PADI3: variants seen among roughly 807,000 people sequenced by gnomAD.
PADI3 encodes protein-arginine deiminase type-3.
PADI3 carries 53 observed loss-of-function variants against 71.5 expected under a neutral mutation model. The ratio of observed to expected loss-of-function variants is 0.74; its 90% CI spans 0.59 to 0.93. The LOEUF (loss-of-function observed/expected upper bound fraction) is 0.93. PADI3 is among the 40% of genes least tolerant of loss of function. The pLI is 0.00. For synonymous variants in PADI3, 361 were observed against 347.5 expected (o/e 1.04, Z -0.43); for missense variants, 821 against 868.0 (o/e 0.95, Z 0.68).
chr1:17,260,894 C>T (rs2100567141), intron 2 of PADI3, among the ~76,000 whole-genome samples: 1 of 152,262 alleles, frequency 6.6e-6, no homozygotes, highest in Admixed American at 6.5e-5. Flanking sequence ...GTACCCCCAC[C>T]TTGAATTCCT....
At chr1:17,269,846 T>C (rs1468075982) in intron 6 of PADI3, among the ~76,000 whole-genome samples, 1 of 152,142 alleles carries the variant, frequency 6.6e-6, no homozygotes, top group African/African-American at 2.4e-5. Context: ...CTTGAACTCC[T>C]AACTTCAGGT....
chr1:17,256,890 G>A (rs756360666), intron 1 of PADI3, among the ~76,000 whole-genome samples: 2 of 151,968 alleles, frequency 1.3e-5, no homozygotes, highest in Non-Finnish European at 2.9e-5. Flanking sequence ...AAAATTAGCC[G>A]GACACGGTGG....
rs1254216783 is a variant in PADI3, at chr1:17,270,223, C to T, written c.653-10C>T. On this transcript the variant is annotated splice_polypyrimidine_tract_variant and intron_variant, in intron 6 of 15. Transcript: ENST00000375460. ...AGGGAGTCACAGCCACCCCGTCCCTCCCCTTCCAGGTCCTGAGGATGTGTG... is the reference window on the plus strand; with the variant it reads ...AGGGAGTCACAGCCACCCCGTCCCTTCCCTTCCAGGTCCTGAGGATGTGTG... 1 of 1,606,160 alleles carries T rather than the reference C, an allele frequency of 6.2e-7. No homozygotes were observed. The highest frequency in any genetic ancestry group is 1.7e-5 in the Admixed American group (1 of 59,264).
chr1:17,273,544 C>T (rs191451605), intron 10 of PADI3, 97 bp downstream of exon 10: 11 of 704,918 alleles, frequency 1.6e-5, no homozygotes, highest in African/African-American at 5.3e-5. Context: ...CAGTGGGAAC[C>T]GTGCTCTTTA....
At position 17,259,723 on chromosome 1, in the gene PADI3, A is replaced by T; in HGVS notation, c.238A>T (p.Met80Leu). The change falls in exon 2 of 16, where the codon ATG (methionine) becomes TTG (leucine). Residue 80 changes from methionine to leucine, a missense_variant. Coordinates refer to ENST00000375460, the MANE Select transcript of PADI3 (RefSeq NM_016233.2). ...CGCGACTTTGGAGATCATCGTGGTC[A>T]TGAACTCCCCCAGCAATGACCTCAA... is the stretch of plus-strand genomic sequence containing the variant. ...FDATLEIIVV[M>L]NSPSNDLNDS... is the part of the protein sequence containing the mutation. 6.2e-7 allele frequency: 1 copy of T among 1,612,090 alleles called. No homozygotes were observed. The highest frequency in any genetic ancestry group is 8.5e-7 in the Non-Finnish European group (1 of 1,178,626).
intron 11 of PADI3, among the ~76,000 whole-genome samples, chr1:17,275,583 G>C (rs987130642): frequency 6.6e-6 from 1 of 152,106 alleles, no homozygotes; most frequent in African/African-American, 2.4e-5. Context: ...GAGAAGTGAG[G>C]TACAAGACAT....
At chr1:17,266,512 G>A (rs1236801718) in intron 4 of PADI3, among the ~76,000 whole-genome samples, 1 of 152,244 alleles carries the variant, frequency 6.6e-6, no homozygotes. Context: ...ATCACAGATA[G>A]CCATGAAAGA....
intron 11 of PADI3, 46 bp downstream of exon 11, chr1:17,274,832 G>A: frequency 1.3e-6 from 2 of 1,587,340 alleles, no homozygotes; most frequent in South Asian, 2.3e-5. Flanking sequence ...GAGGCTGAGG[G>A]TTGGGGGTGG....
chr1:17,274,546 C>A, intron 10 of PADI3, 89 bp from the exon 11 acceptor site: 1 of 1,226,040 alleles, frequency 8.2e-7, no homozygotes. Context: ...CCTTTCCCAC[C>A]CTGTCTTGAA....
At position 17,283,112 on chromosome 1, in the gene PADI3, G is replaced by GCCAAT; in HGVS notation, c.*33_*34insCCAAT. The GCCAAT allele has an allele frequency of 1.3e-6, 2 of 1,552,484 alleles. No individual in the cohort carries two copies. The highest frequency in any genetic ancestry group is 1.8e-6 in the Non-Finnish European group (2 of 1,126,684). ...CCCACCCACCATCCTGTCCCCCTGGGGCGGGCATTGGCCCAGGTGGTGGAG... is the reference window on the plus strand; with the variant it reads ...CCCACCCACCATCCTGTCCCCCTGGGCCAATGCGGGCATTGGCCCAGGTGGTGGAG... On this transcript the variant is annotated 3_prime_UTR_variant, in exon 16 of 16. Transcript: ENST00000375460.
chr1:17,266,844 C>T lies in PADI3; in HGVS notation c.526+8C>T, dbSNP rs748054144. 2.8e-5 allele frequency: 45 copies of T among 1,604,804 alleles called. No homozygotes were observed. Among genetic ancestry groups the T allele is most frequent in the African/African-American group, 4.0e-5 (3 of 74,668 alleles). On this transcript the variant is annotated splice_region_variant and intron_variant, in intron 5 of 15. Transcript: ENST00000375460. Reference sequence around the variant, plus strand: ...ACGTGCACTGCCTGCAAGGTGAGGCCGGGGCAGCCTGAGTCCCTGGGTGTC... The same window carrying T: ...ACGTGCACTGCCTGCAAGGTGAGGCTGGGGCAGCCTGAGTCCCTGGGTGTC...
At chr1:17,263,152 G>A (rs2073124147) in intron 3 of PADI3, among the ~76,000 whole-genome samples, 1 of 152,186 alleles carries the variant, frequency 6.6e-6, no homozygotes, top group Non-Finnish European at 1.5e-5. Flanking sequence ...GACCTCAGAT[G>A]ATCTGCCTGC....
Position 17,280,436 on chromosome 1 carries a change from G to C in PADI3, c.1635+7G>C, listed in dbSNP as rs1264889209. 2 of 1,609,294 alleles carry C rather than the reference G, an allele frequency of 1.2e-6. No homozygotes were observed. Among genetic ancestry groups the C allele is most frequent in the South Asian group, 1.1e-5 (1 of 90,976 alleles). Reference sequence around the variant, plus strand: ...CTACAATAAGTTTGTGCAGGTACAAGGGCTGTGGTGTACCTGTGGGCTGTG... The same window carrying C: ...CTACAATAAGTTTGTGCAGGTACAACGGCTGTGGTGTACCTGTGGGCTGTG... On this transcript the variant is annotated splice_region_variant and intron_variant, in intron 14 of 15. Coordinates refer to ENST00000375460, the MANE Select transcript of PADI3 (RefSeq NM_016233.2).
chr1:17,249,667 C>T (rs193030587), intron 1 of PADI3, among the ~76,000 whole-genome samples: 1 of 152,368 alleles, frequency 6.6e-6, no homozygotes, highest in East Asian at 1.9e-4. Flanking sequence ...ATACATAGCA[C>T]TTACCATGTG....
At chr1:17,249,605 T>C (rs1374173698) in intron 1 of PADI3, among the ~76,000 whole-genome samples, 1 of 152,224 alleles carries the variant, frequency 6.6e-6, no homozygotes, top group African/African-American at 2.4e-5. Flanking sequence ...AGCCCCATCC[T>C]GAGCCTATGA....
intron 9 of PADI3, among the ~76,000 whole-genome samples, chr1:17,273,086 A>G (rs540411766): frequency 4.6e-5 from 7 of 152,224 alleles, no homozygotes; most frequent in Non-Finnish European, 1.0e-4. Context: ...CCCCAAGGTC[A>G]TGTCCATGTT....
chr1:17,258,923 C>T (rs2073063200), intron 1 of PADI3, among the ~76,000 whole-genome samples: 1 of 152,220 alleles, frequency 6.6e-6, no homozygotes, highest in South Asian at 2.1e-4. Flanking sequence ...TCACTGAGCT[C>T]TTCGTGCCCA....
chr1:17,259,848 G>T (rs1187904668), intron 2 of PADI3, 90 bp downstream of exon 2: 5 of 1,167,852 alleles, frequency 4.3e-6, no homozygotes, highest in Non-Finnish European at 3.6e-6. Context: ...TCTCCAGAGC[G>T]CAGGGCAACA....
At chr1:17,253,289 G>T (rs1324781875) in intron 1 of PADI3, among the ~76,000 whole-genome samples, 1 of 152,140 alleles carries the variant, frequency 6.6e-6, no homozygotes, top group Non-Finnish European at 1.5e-5. Flanking sequence ...TCCTGGAAGG[G>T]TCAGGTCCCA....
Sources: gnomAD v4.1 joint callset for allele counts (sites outside exome capture counted in the v4.1 genomes callset) on GRCh38, gnomAD v4.1.1 for gene constraint, MANE v1.5 for transcripts, NCBI Gene and HGNC (gene_info 2026-07-23, HGNC 2026-07-21) for gene names.